The following PCCB variants were observed in gnomAD, a reference collection of about 807,000 sequenced individuals.
PCCB encodes the protein propionyl-CoA carboxylase subunit beta, also known as propionyl-CoA carboxylase beta chain, mitochondrial.
Under a neutral mutation model 60.7 loss-of-function variants are expected in PCCB, and 43 were observed. The observed-to-expected ratio is 0.71, with a 90% CI of 0.55 to 0.91. The LOEUF (loss-of-function observed/expected upper bound fraction) is 0.91. Ranked by LOEUF, PCCB falls within the 40% of genes least tolerant of loss-of-function variation. The probability of loss-of-function intolerance (pLI) is 0.00; values close to 1 mark genes in which losing one functional copy is unlikely to be tolerated. For synonymous variants in PCCB, 276 were observed against 255.9 expected, an observed-to-expected ratio of 1.08 and a Z score of -0.75; for missense variants, 766 against 702.8, an observed-to-expected ratio of 1.09 and a Z score of -1.02.
chr3:136,311,522 G>A (rs1409323734), intron 9 of PCCB, among the ~76,000 whole-genome samples: 1 of 149,620 alleles, frequency 6.7e-6, no homozygotes, highest in Non-Finnish European at 1.5e-5. Flanking sequence ...TTTTTTTTTT[G>A]TAGGAAGAAT....
chr3:136,256,333 G>A, intron 2 of PCCB: 1 of 599,288 alleles, frequency 1.7e-6, no homozygotes, highest in Non-Finnish European at 3.0e-6. Flanking sequence ...GGTACATAAG[G>A]CCTAAGATGA....
intron 7 of PCCB, among the ~76,000 whole-genome samples, chr3:136,297,282 C>G (rs1481664968): frequency 6.6e-6 from 1 of 152,120 alleles, no homozygotes; most frequent in Non-Finnish European, 1.5e-5. Context: ...AAAGCTCTGT[C>G]TGTCAGCTTT....
chr3:136,291,024 G>A (rs1933664459), intron 6 of PCCB, among the ~76,000 whole-genome samples: 2 of 152,078 alleles, frequency 1.3e-5, no homozygotes, highest in East Asian at 3.9e-4. Context: ...TATTTCTGTT[G>A]CAGTGTTTCC....
chr3:136,304,884 G>C (rs1934406945), intron 9 of PCCB, among the ~76,000 whole-genome samples: 1 of 119,174 alleles, frequency 8.4e-6, no homozygotes, highest in African/African-American at 2.5e-5. Flanking sequence ...TAGAGACGGG[G>C]TTTCACCATG....
chr3:136,285,419 C>T (rs1933355941), intron 6 of PCCB, among the ~76,000 whole-genome samples: 1 of 152,172 alleles, frequency 6.6e-6, no homozygotes, highest in African/African-American at 2.4e-5. Flanking sequence ...TAATCACACT[C>T]AGGTCTTTCC....
intron 1 of PCCB, chr3:136,251,162 C>T: frequency 4.4e-6 from 2 of 453,978 alleles, no homozygotes; most frequent in Non-Finnish European, 8.9e-6. Flanking sequence ...GGTGGCCTTT[C>T]TGGGAGTGCG....
chr3:136,281,580 G>A (rs1218687964), intron 5 of PCCB, among the ~76,000 whole-genome samples: 2 of 152,072 alleles, frequency 1.3e-5, no homozygotes, highest in Non-Finnish European at 2.9e-5. Flanking sequence ...GACAGTTCAT[G>A]TGCCATCTTT....
At chr3:136,253,907 C>A (rs1941594768) in intron 1 of PCCB, among the ~76,000 whole-genome samples, 2 of 151,954 alleles carry the variant, frequency 1.3e-5, no homozygotes, top group Admixed American at 6.6e-5. Context: ...CTTGGCCTTC[C>A]AAAGTGCTGG....
At position 136,326,929 on chromosome 3, in the gene PCCB, G is replaced by T. The variant is rs923951408; in HGVS notation, c.1198+19G>T. The T allele has an allele frequency of 7.3e-6, 11 of 1,502,218 alleles. No homozygotes were observed. Among genetic ancestry groups the T allele is most frequent in the Non-Finnish European group, 1.0e-5 (11 of 1,078,062 alleles). 93.1% of individuals were successfully genotyped at this position (1,502,218 alleles called of 1,614,324 possible). A position where few individuals can be genotyped will look rare whatever the true frequency, so the allele number is the denominator to read the frequency against. ...CTACCTGGTAAGTTTTTGACAGAGT[G>T]GGGGCTAGGAGAGTTGCCTTTCCCA... On this transcript the variant is annotated intron_variant, in intron 11 of 14. Coordinates refer to ENST00000251654, the MANE Select transcript of PCCB (RefSeq NM_000532.5).
intron 1 of PCCB, chr3:136,252,434 A>G (rs890294285): frequency 2.5e-6 from 1 of 403,288 alleles, no homozygotes; most frequent in Non-Finnish European, 5.0e-6. Flanking sequence ...TTTAGTAGAG[A>G]TGGAGTTTCA....
In PCCB at chr3:136,301,118, G is replaced by A. The variant is rs781236319; in HGVS notation, c.966+7G>A. 3.1e-6 allele frequency: 5 copies of A among 1,607,746 alleles called. No individual in the cohort carries two copies. Among genetic ancestry groups the A allele is most frequent in the South Asian group, 2.2e-5 (2 of 90,982 alleles). On this transcript the variant is annotated splice_region_variant and intron_variant, in intron 9 of 14. Coordinates refer to ENST00000251654, the MANE Select transcript of PCCB (RefSeq NM_000532.5). ...GGTGGACATCATACACTCTGTAAGT[G>A]CCACATCTGTTTGTCTTGCCTGTCC...
At chr3:136,305,576 CTG>C (rs1934427870) in intron 9 of PCCB, among the ~76,000 whole-genome samples, 1 of 116,910 alleles carries the variant, frequency 8.6e-6, no homozygotes, top group African/African-American at 2.6e-5. Flanking sequence ...CGGTGAAAAC[CTG>C]TCTCTATTGA....
intron 7 of PCCB, among the ~76,000 whole-genome samples, chr3:136,295,048 T>C (rs1292483580): frequency 1.3e-5 from 2 of 152,250 alleles, no homozygotes; most frequent in African/African-American, 4.8e-5. Context: ...ATGATTCTGA[T>C]ATTAGTGAAG....
chr3:136,259,207 T>C (rs898196842), intron 3 of PCCB: 4 of 1,414,138 alleles, frequency 2.8e-6, no homozygotes, highest in Non-Finnish European at 3.7e-6. Flanking sequence ...TGGCTCCCGC[T>C]TGTCATCTCA....
rs1933228629 is a variant in PCCB at position 136,284,035 on chromosome 3, G to A, written c.654+88G>A. The stretch of plus-strand genomic sequence containing the variant: ...AAAATAATTCCTGACCCAGATCTAG[G>A]TTGTTACCTGCATTCTCATTGGCTT... On this transcript the variant is annotated intron_variant, in intron 6 of 14. Transcript: ENST00000251654. 12 of 828,268 alleles carry A rather than the reference G, an allele frequency of 1.4e-5. No individual in the cohort carries two copies. The South Asian group carries it at 1.5e-4, about 10-fold the overall frequency. The allele number at this position is 828,268 out of a possible 1,614,324, so 51.3% of individuals were successfully genotyped here.
rs570009414 is a variant in PCCB, at chr3:136,296,146, C to T, written c.764-1806C>T. Among the ~76,000 whole-genome samples, 3 of 152,244 alleles carry T rather than the reference C, an allele frequency of 2.0e-5. No individual in the cohort carries two copies. In the South Asian group the frequency reaches 6.2e-4, roughly 32 times the overall value. On this transcript the variant is annotated intron_variant, in intron 7 of 14. Coordinates refer to ENST00000251654, the MANE Select transcript of PCCB (RefSeq NM_000532.5). ...ATTTTAAACACCTATTTATAGTGTA[C>T]AATTCAGTGGTTTTTAAAATACATT...
chr3:136,301,653 C>G (rs1040960098), intron 9 of PCCB, among the ~76,000 whole-genome samples: 11 of 151,916 alleles, frequency 7.2e-5, no homozygotes, highest in Non-Finnish European at 1.2e-4. Context: ...TGGCCAATGC[C>G]TTCCTTAAGG....
At chr3:136,277,991 C>A (rs1402031723) in intron 5 of PCCB, among the ~76,000 whole-genome samples, 2 of 152,138 alleles carry the variant, frequency 1.3e-5, no homozygotes, top group African/African-American at 4.8e-5. Flanking sequence ...CATCCTCACT[C>A]AGTGTTATAT....
chr3:136,254,019 G>A (rs949911633), intron 1 of PCCB, among the ~76,000 whole-genome samples: 26 of 151,932 alleles, frequency 1.7e-4, no homozygotes, highest in African/African-American at 3.6e-4. Context: ...TCTACTTTAC[G>A]TGACAGTGTA....
Sources: allele counts gnomAD v4.1 joint callset (sites outside exome capture counted in the v4.1 genomes callset), GRCh38; gene constraint gnomAD v4.1.1; transcripts MANE v1.5; gene names NCBI Gene and HGNC (gene_info 2026-07-23, HGNC 2026-07-21).